The following ARHGAP15 variants were observed in gnomAD, a reference collection of about 807,000 sequenced individuals.
The protein encoded by ARHGAP15 is Rho GTPase activating protein 15.
In ARHGAP15, 51 loss-of-function variants were observed where a neutral mutation model predicts 63.7. The observed-to-expected ratio is 0.80, with a 90% CI of 0.64 to 1.01. ARHGAP15 has a LOEUF of 1.01. Ranked by LOEUF, ARHGAP15 falls within the 50% of genes least tolerant of loss-of-function variation. The pLI is 0.00. For synonymous variants in ARHGAP15, 191 were observed against 193.8 expected (o/e 0.99, Z 0.12); for missense variants, 560 against 564.6 (o/e 0.99, Z 0.08).
chr2:143,548,931 A>G (rs1371169682), intron 10 of ARHGAP15, among the ~76,000 whole-genome samples: 2 of 152,140 alleles, frequency 1.3e-5, no homozygotes, highest in Non-Finnish European at 2.9e-5. Context: ...AACTTCAGGT[A>G]ATAAAAGGAG....
chr2:143,149,245 G>T (rs112038369), intron 1 of ARHGAP15, among the ~76,000 whole-genome samples: 2 of 151,934 alleles, frequency 1.3e-5, no homozygotes. Flanking sequence ...GGGGACCTTC[G>T]CTCCTCGTGG....
chr2:143,385,567 T>C (rs1474130652), intron 6 of ARHGAP15, among the ~76,000 whole-genome samples: 2 of 152,088 alleles, frequency 1.3e-5, no homozygotes, highest in Non-Finnish European at 2.9e-5. Flanking sequence ...AAGATGTGTC[T>C]CCATATATTT....
At chr2:143,130,898 A>G (rs1180227238) in intron 1 of ARHGAP15, among the ~76,000 whole-genome samples, 1 of 152,176 alleles carries the variant, frequency 6.6e-6, no homozygotes, top group Non-Finnish European at 1.5e-5. Flanking sequence ...TAGAAGCTGT[A>G]TAATTCTGAT....
intron 8 of ARHGAP15, among the ~76,000 whole-genome samples, chr2:143,456,658 A>AG (rs1690668667): frequency 6.6e-6 from 1 of 152,042 alleles, no homozygotes; most frequent in Non-Finnish European, 1.5e-5. Context: ...TTTACAGAGG[A>AG]GGAAACACAG....
chr2:143,433,020 A>G (rs1182430869), intron 6 of ARHGAP15, among the ~76,000 whole-genome samples: 1 of 152,076 alleles, frequency 6.6e-6, no homozygotes, highest in Non-Finnish European at 1.5e-5. Context: ...TGTCTGTTAT[A>G]CATCATTTTA....
intron 6 of ARHGAP15, among the ~76,000 whole-genome samples, chr2:143,358,676 T>A (rs1165287019): frequency 6.6e-6 from 1 of 151,536 alleles, no homozygotes; most frequent in Admixed American, 6.6e-5. Flanking sequence ...AGGAAATAGA[T>A]AGCTATGCAA....
intron 6 of ARHGAP15, among the ~76,000 whole-genome samples, chr2:143,267,322 T>A (rs1413730844): frequency 6.6e-6 from 1 of 152,232 alleles, no homozygotes; most frequent in African/African-American, 2.4e-5. Flanking sequence ...TGAGTACTTG[T>A]AATTGATGGT....
chr2:143,613,996 A>G (rs1482309029), intron 11 of ARHGAP15, among the ~76,000 whole-genome samples: 1 of 152,142 alleles, frequency 6.6e-6, no homozygotes, highest in Non-Finnish European at 1.5e-5. Flanking sequence ...ACCCTGAGAT[A>G]TGGAATCTAT....
intron 9 of ARHGAP15, among the ~76,000 whole-genome samples, chr2:143,499,731 G>A (rs1692971567): frequency 6.6e-6 from 1 of 152,070 alleles, no homozygotes; most frequent in Admixed American, 6.6e-5. Context: ...ATAATAGAAG[G>A]GTTAGAGTGT....
intron 12 of ARHGAP15, among the ~76,000 whole-genome samples, chr2:143,647,359 TAAA>T (rs79292470): frequency 0.043 from 5,835 of 136,494 alleles, 204 homozygotes; most frequent in African/African-American, 0.096. Flanking sequence ...ACCAAGTAGT[TAAA>T]AAAAAAAAAA....
At chr2:143,654,741 C>CCCTTGCTAA (rs1349193403) in intron 12 of ARHGAP15, among the ~76,000 whole-genome samples, 6 of 152,128 alleles carry the variant, frequency 3.9e-5, no homozygotes, top group African/African-American at 1.4e-4. Context: ...GCTTCTTTCC[C>CCCTTGCTAA]CCTTGCTAAA....
chr2:143,311,915 G>T (rs1022725764), intron 6 of ARHGAP15, among the ~76,000 whole-genome samples: 3 of 152,082 alleles, frequency 2.0e-5, no homozygotes, highest in Non-Finnish European at 4.4e-5. Context: ...GTGTTGGAAT[G>T]GCAATGCGCC....
intron 6 of ARHGAP15, among the ~76,000 whole-genome samples, chr2:143,306,920 G>A (rs1489112876): frequency 6.6e-6 from 1 of 152,074 alleles, no homozygotes; most frequent in African/African-American, 2.4e-5. Flanking sequence ...CAGGATTCTG[G>A]ACACAGCCTT....
At chr2:143,262,060 C>A (rs897419270) in intron 6 of ARHGAP15, among the ~76,000 whole-genome samples, 2 of 152,028 alleles carry the variant, frequency 1.3e-5, no homozygotes, top group African/African-American at 4.8e-5. Context: ...CCTGTAGAAC[C>A]AGGAAATATC....
intron 12 of ARHGAP15, among the ~76,000 whole-genome samples, chr2:143,643,174 TGTG>T: frequency 6.6e-6 from 1 of 151,986 alleles, no homozygotes; most frequent in East Asian, 1.9e-4. Context: ...GAGAAGATAA[TGTG>T]GTGGTAATTG....
At chr2:143,645,156 A>G (rs2105283846) in intron 12 of ARHGAP15, among the ~76,000 whole-genome samples, 1 of 152,238 alleles carries the variant, frequency 6.6e-6, no homozygotes, top group Non-Finnish European at 1.5e-5. Context: ...AACTTTGGCT[A>G]ATTTTGGCAT....
chr2:143,664,041 T>A (rs1204055802), intron 12 of ARHGAP15, among the ~76,000 whole-genome samples: 1 of 151,094 alleles, frequency 6.6e-6, no homozygotes, highest in Non-Finnish European at 1.5e-5. Flanking sequence ...GGAATTGAAC[T>A]CAGCTCTGCA....
At chr2:143,189,059 C>T (rs967873883) in intron 2 of ARHGAP15, among the ~76,000 whole-genome samples, 3 of 151,990 alleles carry the variant, frequency 2.0e-5, no homozygotes, top group Non-Finnish European at 4.4e-5. Flanking sequence ...CAGGAAATGT[C>T]TTTACTTAAT....
intron 6 of ARHGAP15, among the ~76,000 whole-genome samples, chr2:143,339,056 A>C (rs769210035): frequency 2.6e-5 from 4 of 152,000 alleles, no homozygotes; most frequent in Non-Finnish European, 5.9e-5. Flanking sequence ...TTTTTTCATA[A>C]ATATTGATTG....
Sources: gnomAD v4.1 joint callset for allele counts (sites outside exome capture counted in the v4.1 genomes callset) on GRCh38, gnomAD v4.1.1 for gene constraint, MANE v1.5 for transcripts, NCBI Gene and HGNC (gene_info 2026-07-23, HGNC 2026-07-21) for gene names.